CLSTN2: variants seen among roughly 807,000 people sequenced by gnomAD.
The protein encoded by CLSTN2 is calsyntenin 2.
In CLSTN2, 48 loss-of-function variants were observed where a neutral mutation model predicts 101.2. That is an observed-to-expected ratio of 0.47 (90% CI 0.38 to 0.60). CLSTN2 has a LOEUF of 0.60. CLSTN2 is among the 20% of genes least tolerant of loss of function. CLSTN2 has a pLI of 0.00. For missense variants in CLSTN2, 1,160 were observed against 1,238.2 expected (o/e 0.94, Z 0.95); for synonymous variants, 481 against 463.6 (o/e 1.04, Z -0.48).
chr3:140,459,850 G>T, intron 7 of CLSTN2, 81 bp downstream of exon 7: 1 of 1,489,044 alleles, frequency 6.7e-7, no homozygotes, highest in South Asian at 1.2e-5. Flanking sequence ...CATGGACACA[G>T]CCAAGGAGGA....
At chr3:140,221,745 T>C (rs1040807728) in intron 2 of CLSTN2, among the ~76,000 whole-genome samples, 5 of 152,152 alleles carry the variant, frequency 3.3e-5, no homozygotes, top group Admixed American at 2.6e-4. Context: ...CTCAACATCA[T>C]TGATCATCAG....
intron 1 of CLSTN2, among the ~76,000 whole-genome samples, chr3:139,954,872 A>G (rs1031183417): frequency 6.6e-6 from 1 of 152,048 alleles, no homozygotes; most frequent in East Asian, 1.9e-4. Flanking sequence ...GCGTTTCTCT[A>G]AGAGACTTAG....
intron 5 of CLSTN2, among the ~76,000 whole-genome samples, chr3:140,436,935 G>A (rs943400350): frequency 6.6e-6 from 1 of 152,098 alleles, no homozygotes; most frequent in Non-Finnish European, 1.5e-5. Context: ...GTGTTCCCCA[G>A]TGCCAGTGTC....
rs113317839 is a variant in CLSTN2, at chr3:139,974,668, C to T, written c.109+39185C>T. ...CTAATTCATCAGTCCAAGTAAATCC[C>T]TGTTAAGAGGTAGAAATGAGCTTTT... On this transcript the variant is annotated intron_variant, in intron 1 of 16. Coordinates refer to ENST00000458420, the MANE Select transcript of CLSTN2 (RefSeq NM_022131.3). Among the ~76,000 whole-genome samples the T allele has an allele frequency of 9.2e-3, 1,404 of 152,302 alleles. 15 individuals are homozygous for T. The highest frequency in any genetic ancestry group is 0.032 in the African/African-American group (1,345 of 41,548).
At chr3:140,537,319 A>G (rs1559897959) in intron 9 of CLSTN2, among the ~76,000 whole-genome samples, 1 of 152,366 alleles carries the variant, frequency 6.6e-6, no homozygotes, top group East Asian at 1.9e-4. Context: ...AACTAGTCCT[A>G]TTAGCCAATT....
chr3:140,200,419 A>T (rs944671563), intron 2 of CLSTN2, among the ~76,000 whole-genome samples: 2 of 152,190 alleles, frequency 1.3e-5, no homozygotes, highest in Non-Finnish European at 1.5e-5. Context: ...CCTGTGTTTG[A>T]AAACAGAGTC....
chr3:140,328,991 T>C (rs893284330), intron 2 of CLSTN2, among the ~76,000 whole-genome samples: 5 of 152,238 alleles, frequency 3.3e-5, no homozygotes, highest in Admixed American at 1.3e-4. Context: ...AGTCTTGGTT[T>C]CTCTATCAAT....
At chr3:140,021,209 G>A (rs781211717) in intron 1 of CLSTN2, among the ~76,000 whole-genome samples, 2 of 152,084 alleles carry the variant, frequency 1.3e-5, no homozygotes, top group African/African-American at 2.4e-5. Context: ...CCTAAGTGCC[G>A]TGATGTTATT....
At chr3:140,137,916 C>T (rs556885048) in intron 1 of CLSTN2, among the ~76,000 whole-genome samples, 1 of 152,296 alleles carries the variant, frequency 6.6e-6, no homozygotes, top group Admixed American at 6.5e-5. Context: ...AACGCTTTCG[C>T]CTTCCCTATT....
chr3:140,464,980 G>A (rs1410081317), intron 7 of CLSTN2, among the ~76,000 whole-genome samples: 4 of 152,206 alleles, frequency 2.6e-5, no homozygotes, highest in South Asian at 2.1e-4. Flanking sequence ...TCATGAGGCA[G>A]TGTGATAGTC....
intron 2 of CLSTN2, among the ~76,000 whole-genome samples, chr3:140,229,749 T>G (rs1384179801): frequency 6.6e-6 from 1 of 151,848 alleles, no homozygotes; most frequent in Non-Finnish European, 1.5e-5. Context: ...TCAGACCCAG[T>G]TTTCAAGTCT....
intron 1 of CLSTN2, among the ~76,000 whole-genome samples, chr3:139,971,143 C>T (rs1225222987): frequency 2.0e-5 from 3 of 152,152 alleles, no homozygotes; most frequent in Admixed American, 2.0e-4. Context: ...CACTGAAGAT[C>T]TGGGGTCTTA....
intron 8 of CLSTN2, among the ~76,000 whole-genome samples, chr3:140,494,264 A>G (rs991448207): frequency 6.6e-6 from 1 of 152,150 alleles, no homozygotes; most frequent in Admixed American, 6.5e-5. Flanking sequence ...CTGCATTCCC[A>G]AAAAGCAAAG....
chr3:140,351,390 T>G (rs2087605453), intron 2 of CLSTN2, among the ~76,000 whole-genome samples: 1 of 152,200 alleles, frequency 6.6e-6, no homozygotes, highest in South Asian at 2.1e-4. Flanking sequence ...ACTGTAACTT[T>G]TAAGATTCTT....
At chr3:140,491,021 C>G (rs1271048843) in intron 8 of CLSTN2, among the ~76,000 whole-genome samples, 1 of 152,212 alleles carries the variant, frequency 6.6e-6, no homozygotes, top group African/African-American at 2.4e-5. Flanking sequence ...AGCACGGTGT[C>G]AACCCCCGTA....
intron 5 of CLSTN2, among the ~76,000 whole-genome samples, chr3:140,435,428 A>T (rs2088675544): frequency 6.6e-6 from 1 of 152,218 alleles, no homozygotes; most frequent in African/African-American, 2.4e-5. Flanking sequence ...ATAGTACTCC[A>T]TTGTGTATAT....
chr3:140,470,438 G>T (rs1933815020), intron 8 of CLSTN2, among the ~76,000 whole-genome samples: 1 of 152,234 alleles, frequency 6.6e-6, no homozygotes, highest in African/African-American at 2.4e-5. Flanking sequence ...GGAGTTCTCT[G>T]TGGTGCAGGG....
chr3:139,990,877 A>C (rs1434880185), intron 1 of CLSTN2, among the ~76,000 whole-genome samples: 2 of 152,252 alleles, frequency 1.3e-5, no homozygotes, highest in Admixed American at 6.5e-5. Context: ...GTGCAGAGAT[A>C]AACCATTTTT....
chr3:140,369,650 A>T (rs2087828625), intron 2 of CLSTN2, among the ~76,000 whole-genome samples: 1 of 152,190 alleles, frequency 6.6e-6, no homozygotes, highest in Non-Finnish European at 1.5e-5. Flanking sequence ...GCTAAATATT[A>T]GCCGAGCCAC....
Sources: allele counts gnomAD v4.1 joint callset (sites outside exome capture counted in the v4.1 genomes callset), GRCh38; gene constraint gnomAD v4.1.1; transcripts MANE v1.5; gene names NCBI Gene and HGNC (gene_info 2026-07-23, HGNC 2026-07-21).